Variants in FHIP1A observed in about 807,000 individuals in gnomAD.
The protein encoded by FHIP1A is FHF complex subunit HOOK-interacting protein 1A.
FHIP1A carries 61 observed loss-of-function variants against 88.6 expected under a neutral mutation model. That is an observed-to-expected ratio of 0.69 (90% CI 0.56 to 0.85). The LOEUF (loss-of-function observed/expected upper bound fraction) is 0.85, where lower values mean the gene tolerates loss of function less well. FHIP1A is among the 40% of genes least tolerant of loss of function. The probability of loss-of-function intolerance (pLI) is 0.00; values close to 1 mark genes in which losing one functional copy is unlikely to be tolerated. For synonymous variants in FHIP1A, 478 were observed against 496.0 expected (o/e 0.96, Z 0.48); for missense variants, 1,154 against 1,273.5 (o/e 0.91, Z 1.43).
In FHIP1A at chr4:151,529,226, A is replaced by T. The variant is rs139482625; in HGVS notation, c.-122-36912A>T. ...GGGAAGCTTACTGTTAGATCCTAGG[A>T]AAAAGGAATAGCTAGGCTTCAGGAA... is the stretch of plus-strand genomic sequence containing the variant. On this transcript the variant is annotated intron_variant, in intron 3 of 13. Coordinates refer to ENST00000435205, the MANE Select transcript of FHIP1A (RefSeq NM_001109977.3). 4.5e-3 allele frequency among the ~76,000 whole-genome samples: 691 copies of T among 152,216 alleles called. 4 individuals are homozygous for T. The highest frequency in any genetic ancestry group is 0.016 in the African/African-American group (652 of 41,526).
chr4:151,430,435 G>C (rs989134353), intron 1 of FHIP1A, among the ~76,000 whole-genome samples: 24 of 152,176 alleles, frequency 1.6e-4, no homozygotes, highest in Non-Finnish European at 2.5e-4. Context: ...TTCTTGCCAA[G>C]TTCTACTATT....
At chr4:151,659,017 T>TG (rs35268133) in intron 13 of FHIP1A, among the ~76,000 whole-genome samples, 1 of 151,952 alleles carries the variant, frequency 6.6e-6, no homozygotes, top group South Asian at 2.1e-4. Context: ...AGGGAAGGGG[T>TG]GGGGGTCACT....
At chr4:151,432,439 A>AAAGC in intron 1 of FHIP1A, among the ~76,000 whole-genome samples, 1 of 152,330 alleles carries the variant, frequency 6.6e-6, no homozygotes, top group African/African-American at 2.4e-5. Flanking sequence ...AGTTGTGAAC[A>AAAGC]AAGCAAGCAA....
intron 2 of FHIP1A, among the ~76,000 whole-genome samples, chr4:151,462,654 AAAG>A (rs1337860829): frequency 6.6e-6 from 1 of 152,184 alleles, no homozygotes; most frequent in African/African-American, 2.4e-5. Flanking sequence ...CCAAAAGAAG[AAAG>A]AAGGGCAGGA....
intron 7 of FHIP1A, among the ~76,000 whole-genome samples, chr4:151,607,812 A>G (rs758058927): frequency 6.6e-6 from 1 of 152,026 alleles, no homozygotes; most frequent in Non-Finnish European, 1.5e-5. Flanking sequence ...AATACATACT[A>G]CCTATTATTA....
intron 1 of FHIP1A, among the ~76,000 whole-genome samples, chr4:151,429,790 A>G (rs944434067): frequency 6.6e-6 from 1 of 150,670 alleles, no homozygotes; most frequent in African/African-American, 2.4e-5. Flanking sequence ...CGGAGGTTGC[A>G]ATGAGCCGAG....
chr4:151,614,728 G>A (rs1031624258), intron 7 of FHIP1A, among the ~76,000 whole-genome samples: 1 of 152,124 alleles, frequency 6.6e-6, no homozygotes, highest in African/African-American at 2.4e-5. Flanking sequence ...CCAGGTTTGA[G>A]GAATGTGAGT....
intron 1 of FHIP1A, among the ~76,000 whole-genome samples, chr4:151,415,339 A>C (rs1732849466): frequency 6.6e-6 from 1 of 151,988 alleles, no homozygotes; most frequent in Non-Finnish European, 1.5e-5. Context: ...GGTGTGCATC[A>C]CCATGTCTGG....
In FHIP1A at chr4:151,662,607, A is replaced by G; in HGVS notation, c.2976A>G (p.Ala992=). The change falls in exon 14 of 14, where the codon GCA becomes GCG. Residue 992 remains alanine (A), a synonymous_variant. Coordinates refer to ENST00000435205, the MANE Select transcript of FHIP1A (RefSeq NM_001109977.3). ...FLTHRTKVAE[A]PPNLPLPVRN... ...CCCACAGAACCAAGGTGGCTGAGGC[A>G]CCCCCCAACCTGCCCCTGCCGGTGA... is the stretch of plus-strand genomic sequence containing the variant. The G allele has an allele frequency of 6.4e-7, 1 of 1,551,114 alleles. No individual in the cohort carries two copies. The highest frequency in any genetic ancestry group is 8.7e-7 in the Non-Finnish European group (1 of 1,146,880).
intron 5 of FHIP1A, among the ~76,000 whole-genome samples, chr4:151,585,844 T>G (rs1247504832): frequency 6.6e-6 from 1 of 152,138 alleles, no homozygotes; most frequent in Non-Finnish European, 1.5e-5. Context: ...AGTTTTGGAT[T>G]AATGCCAGAC....
intron 1 of FHIP1A, among the ~76,000 whole-genome samples, chr4:151,418,171 C>T (rs1220144267): frequency 1.1e-3 from 46 of 41,146 alleles, no homozygotes; most frequent in African/African-American, 3.5e-3. Context: ...GAACCTATCT[C>T]TAAAAAAAAA....
At chr4:151,605,832 G>A (rs1292550328) in intron 7 of FHIP1A, among the ~76,000 whole-genome samples, 2 of 152,212 alleles carry the variant, frequency 1.3e-5, no homozygotes, top group African/African-American at 4.8e-5. Context: ...GAGAGGCTGA[G>A]AGCAGCCACA....
At chr4:151,426,100 A>G (rs1162481011) in intron 1 of FHIP1A, among the ~76,000 whole-genome samples, 4 of 152,202 alleles carry the variant, frequency 2.6e-5, no homozygotes, top group Admixed American at 6.5e-5. Flanking sequence ...TTTTAAAAAA[A>G]CAAGCGGGGC....
intron 7 of FHIP1A, among the ~76,000 whole-genome samples, chr4:151,621,484 G>T (rs1221572142): frequency 6.9e-6 from 1 of 145,268 alleles, no homozygotes; most frequent in Non-Finnish European, 1.5e-5. Context: ...AGGAAAATTG[G>T]TCTAAACTTA....
intron 3 of FHIP1A, among the ~76,000 whole-genome samples, chr4:151,518,231 A>G (rs1731319943): frequency 6.6e-6 from 1 of 152,108 alleles, no homozygotes; most frequent in Admixed American, 6.5e-5. Flanking sequence ...ATACACAAAT[A>G]TTTACCATCA....
intron 7 of FHIP1A, among the ~76,000 whole-genome samples, chr4:151,611,873 A>G (rs1007031109): frequency 1.3e-5 from 2 of 152,242 alleles, no homozygotes; most frequent in South Asian, 2.1e-4. Flanking sequence ...TGAATTAATA[A>G]CATCTCAGTT....
At chr4:151,617,578 C>T (rs1395749890) in intron 7 of FHIP1A, among the ~76,000 whole-genome samples, 3 of 152,062 alleles carry the variant, frequency 2.0e-5, no homozygotes, top group Non-Finnish European at 4.4e-5. Flanking sequence ...CATTCCTTGC[C>T]TGTTCATCCA....
chr4:151,592,647 A>G (rs1734483669), intron 7 of FHIP1A, among the ~76,000 whole-genome samples: 1 of 152,054 alleles, frequency 6.6e-6, no homozygotes, highest in Non-Finnish European at 1.5e-5. Context: ...AGTTCCTTGT[A>G]GATTCTGGAT....
At chr4:151,622,255 C>G (rs999528669) in intron 7 of FHIP1A, among the ~76,000 whole-genome samples, 10 of 152,160 alleles carry the variant, frequency 6.6e-5, no homozygotes, top group Non-Finnish European at 1.2e-4. Flanking sequence ...CAGCATTTCT[C>G]CATCACCACT....
Sources: gnomAD v4.1 joint callset for allele counts (sites outside exome capture counted in the v4.1 genomes callset) on GRCh38, gnomAD v4.1.1 for gene constraint, MANE v1.5 for transcripts, NCBI Gene and HGNC (gene_info 2026-07-23, HGNC 2026-07-21) for gene names.